Variants in HDAC4 observed in about 807,000 individuals in gnomAD.
HDAC4 encodes the protein histone deacetylase A.
Under a neutral mutation model 135.1 loss-of-function variants are expected in HDAC4, and 16 were observed. The observed-to-expected ratio is 0.12, with a 90% CI of 0.08 to 0.18. The LOEUF (loss-of-function observed/expected upper bound fraction) is 0.18, where lower values mean the gene tolerates loss of function less well. Ranked by LOEUF, HDAC4 falls within the 10% of genes least tolerant of loss-of-function variation. The pLI is 1.00. For missense variants in HDAC4, 1,143 were observed against 1,511.8 expected, an observed-to-expected ratio of 0.76 and a Z score of 4.05; for synonymous variants, 685 against 653.4, an observed-to-expected ratio of 1.05 and a Z score of -0.74.
chr2:239,147,571 T>C (rs1307168218), intron 7 of HDAC4, among the ~76,000 whole-genome samples: 1 of 152,234 alleles, frequency 6.6e-6, no homozygotes, highest in Non-Finnish European at 1.5e-5. Flanking sequence ...CCAGGCACGA[T>C]GTGGCCAGGT....
chr2:239,094,509 G>T (rs2036816936), intron 17 of HDAC4: 11 of 1,034,512 alleles, frequency 1.1e-5, no homozygotes, highest in South Asian at 3.6e-5. Flanking sequence ...CATATGCCCA[G>T]GCCAGGTCCA....
intron 1 of HDAC4, among the ~76,000 whole-genome samples, chr2:239,386,148 G>A (rs893011909): frequency 2.6e-5 from 4 of 151,888 alleles, no homozygotes; most frequent in East Asian, 1.9e-4. Context: ...GCTGAGAGTC[G>A]GAGCACAGGG....
At chr2:239,109,900 A>ACC (rs2038514274) in intron 14 of HDAC4, among the ~76,000 whole-genome samples, 1 of 152,342 alleles carries the variant, frequency 6.6e-6, no homozygotes, top group Non-Finnish European at 1.5e-5. Flanking sequence ...TACGAGGCAG[A>ACC]CACCTGCTTT....
In HDAC4 at chr2:239,178,569, A is replaced by G. The variant is rs531533438; in HGVS notation, c.340-2006T>C. Among the ~76,000 whole-genome samples, 49 of 152,146 alleles carry G rather than the reference A, an allele frequency of 3.2e-4. 2 individuals are homozygous for G. The highest frequency in any genetic ancestry group is 1.2e-3 in the Admixed American group (19 of 15,300). On this transcript the variant is annotated intron_variant, in intron 4 of 26. Coordinates refer to ENST00000543185, the MANE Select transcript of HDAC4 (RefSeq NM_001378414.1). ...AGATACGTTTTCTTCTTTTTTGATG[A>G]AACAAGATCTTGCTCTGTTGCTGGG...
chr2:239,153,339 A>G (rs3791498), intron 7 of HDAC4, among the ~76,000 whole-genome samples: 93,733 of 152,156 alleles, frequency 0.62, 29,773 homozygotes, highest in South Asian at 0.79. Context: ...TTAATGTAAA[A>G]TCAAAATCAT....
chr2:239,360,389 G>A (rs1057050722), intron 1 of HDAC4, among the ~76,000 whole-genome samples: 3 of 152,186 alleles, frequency 2.0e-5, no homozygotes, highest in Non-Finnish European at 4.4e-5. Flanking sequence ...TGCTCAGTTG[G>A]GCTAAAAAAG....
intron 1 of HDAC4, among the ~76,000 whole-genome samples, chr2:239,398,619 G>C (rs180844791): frequency 6.6e-6 from 1 of 152,352 alleles, no homozygotes; most frequent in African/African-American, 2.4e-5. Flanking sequence ...CAGCGTGCCA[G>C]GTTGTCCTGT....
intron 3 of HDAC4, among the ~76,000 whole-genome samples, chr2:239,230,368 C>CAAAAAAAAAAAAAAAAAAAAAAAAAAAA (rs56105562): frequency 1.1e-4 from 9 of 79,362 alleles, no homozygotes; most frequent in East Asian, 3.5e-4. Flanking sequence ...AGCAAGCAAG[C>CAAAAAAAAAAAAAAAAAAAAAAAAAAAA]AAAAAAAAAA....
rs1159209460 is a variant in HDAC4, at chr2:239,400,725, C to T, written c.-220+253G>A. On this transcript the variant is annotated intron_variant, in intron 1 of 26. Coordinates refer to ENST00000543185, the MANE Select transcript of HDAC4 (RefSeq NM_001378414.1). The surrounding 1 kb of genome is among the most constrained non-coding windows in gnomAD (Gnocchi z 4.7). ...GCGGCGGCGGCCGGCTCTAGCCCTG[C>T]TCCGGCGCTCCGCGCCGCATCTCCT... The T allele has an allele frequency of 6.9e-6, 1 of 145,198 alleles. No homozygotes were observed. Among genetic ancestry groups the T allele is most frequent in the Non-Finnish European group, 1.5e-5 (1 of 65,352 alleles). The allele number at this position is 145,198 out of a possible 1,614,324, so 9.0% of individuals were successfully genotyped here. A position where few individuals can be genotyped will look rare whatever the true frequency, so the allele number is the denominator to read the frequency against.
chr2:239,107,904 A>G lies in HDAC4; in HGVS notation c.2112+146T>C. Reference sequence around the variant, plus strand: ...GATAGCTGCCCGCCCAAATGCAGACAGTGAAGATGCTTGTGGCCCTTCCCC... The same window carrying G: ...GATAGCTGCCCGCCCAAATGCAGACGGTGAAGATGCTTGTGGCCCTTCCCC... On this transcript the variant is annotated intron_variant, in intron 15 of 26. Transcript: ENST00000543185. 4.0e-6 allele frequency: 4 copies of G among 988,996 alleles called. No homozygotes were observed. In the East Asian group the frequency reaches 7.7e-5, roughly 19 times the overall value. The allele number at this position is 988,996 out of a possible 1,614,324, so 61.3% of individuals were successfully genotyped here. A position where few individuals can be genotyped will look rare whatever the true frequency, so the allele number is the denominator to read the frequency against.
chr2:239,336,098 T>C (rs912342657), intron 2 of HDAC4, among the ~76,000 whole-genome samples: 2 of 152,200 alleles, frequency 1.3e-5, no homozygotes, highest in African/African-American at 2.4e-5. Flanking sequence ...ATCTAACATA[T>C]TGTCAAGTGA....
At chr2:239,389,780 G>T (rs553723173) in intron 1 of HDAC4, among the ~76,000 whole-genome samples, 22 of 152,162 alleles carry the variant, frequency 1.4e-4, no homozygotes, top group Non-Finnish European at 2.9e-4. Flanking sequence ...CTTCCTTCCT[G>T]ACATCAGTGA....
At chr2:239,339,242 A>G (rs1166973207) in intron 2 of HDAC4, among the ~76,000 whole-genome samples, 5 of 152,190 alleles carry the variant, frequency 3.3e-5, no homozygotes, top group African/African-American at 1.2e-4. Context: ...GGGCTGCCCC[A>G]CTGCTCACTG....
chr2:239,383,009 C>T (rs962026245), intron 1 of HDAC4, among the ~76,000 whole-genome samples: 8 of 152,108 alleles, frequency 5.3e-5, no homozygotes, highest in African/African-American at 1.7e-4. Context: ...GGATTACAGG[C>T]GTGAGCAACA....
intron 2 of HDAC4, among the ~76,000 whole-genome samples, chr2:239,312,214 A>G (rs1575676560): frequency 6.6e-6 from 1 of 152,224 alleles, no homozygotes; most frequent in Non-Finnish European, 1.5e-5. Context: ...ACACCAGGCC[A>G]GCCAGCCACC....
intron 4 of HDAC4, among the ~76,000 whole-genome samples, chr2:239,178,106 C>T (rs1165218420): frequency 1.3e-5 from 2 of 152,230 alleles, no homozygotes; most frequent in Non-Finnish European, 2.9e-5. Context: ...CACACAAACC[C>T]CTGGGCCAGC....
chr2:239,156,813 C>T (rs368646627), intron 6 of HDAC4, 40 bp from the exon 7 acceptor site: 20 of 1,613,284 alleles, frequency 1.2e-5, no homozygotes, highest in Admixed American at 3.3e-5. Flanking sequence ...GTTTACCCAG[C>T]GCACTGCCCC....
intron 2 of HDAC4, among the ~76,000 whole-genome samples, chr2:239,276,930 C>A (rs1025933513): frequency 6.6e-6 from 1 of 152,098 alleles, no homozygotes; most frequent in Non-Finnish European, 1.5e-5. Flanking sequence ...GACCCCCTAA[C>A]ACACACCCCT....
At chr2:239,119,695 A>T (rs1003242545) in intron 12 of HDAC4, among the ~76,000 whole-genome samples, 12 of 152,048 alleles carry the variant, frequency 7.9e-5, no homozygotes, top group Admixed American at 2.0e-4. Context: ...AGGGCTGAGG[A>T]GGTGTTCAGG....
Sources: allele counts gnomAD v4.1 joint callset (sites outside exome capture counted in the v4.1 genomes callset), GRCh38; gene constraint gnomAD v4.1.1; non-coding constraint Gnocchi (gnomAD v3.1); transcripts MANE v1.5; gene names NCBI Gene and HGNC (gene_info 2026-07-23, HGNC 2026-07-21).